The following ART3 variants were observed in gnomAD, a reference collection of about 807,000 sequenced individuals.
ART3 encodes the protein ecto-ADP-ribosyltransferase 3.
In ART3, 49 loss-of-function variants were observed where a neutral mutation model predicts 48.5. That is an observed-to-expected ratio of 1.01 (90% CI 0.80 to 1.28). The LOEUF (loss-of-function observed/expected upper bound fraction) is 1.28. Ranked by LOEUF, ART3 falls within the 50% of genes most tolerant of loss-of-function variation. ART3 has a pLI of 0.00. For synonymous variants in ART3, 145 were observed against 157.2 expected, an observed-to-expected ratio of 0.92 and a Z score of 0.58; for missense variants, 438 against 454.3, an observed-to-expected ratio of 0.96 and a Z score of 0.33.
intron 5 of ART3, 83 bp downstream of exon 5, chr4:76,099,070 G>A: frequency 2.4e-6 from 3 of 1,261,470 alleles, no homozygotes; most frequent in Non-Finnish European, 3.4e-6. Context: ...GGAAGGCCGA[G>A]GTGAGTGGAT....
chr4:76,050,926 C>T (rs888647960), intron 1 of ART3, among the ~76,000 whole-genome samples: 8 of 152,342 alleles, frequency 5.3e-5, no homozygotes, highest in South Asian at 2.1e-4. Context: ...TGCCTGGGGC[C>T]GGCAGGGCCG....
Position 76,082,219 on chromosome 4 carries a change from C to A in ART3, c.465C>A (p.Ala155=), listed in dbSNP as rs775832106. ...ALQLLRKPCE[A]SSKTVVYRTS... ...AGTTGCTGAGAAAACCTTGTGAGGC[C>A]AGTTCCAAAACTGTGGTATATAGAA... The change falls in exon 3 of 12, where the codon GCC becomes GCA. Residue 155 remains alanine (A), a synonymous_variant. Coordinates refer to ENST00000355810, the MANE Select transcript of ART3 (RefSeq NM_001130016.3). The A allele has an allele frequency of 5.0e-6, 8 of 1,614,172 alleles. No homozygotes were observed. Among genetic ancestry groups the A allele is most frequent in the Non-Finnish European group, 6.8e-6 (8 of 1,180,028 alleles).
At chr4:76,053,557 A>G (rs900759593) in intron 1 of ART3, among the ~76,000 whole-genome samples, 5 of 152,240 alleles carry the variant, frequency 3.3e-5, no homozygotes, top group African/African-American at 9.6e-5. Context: ...TAATTTTATT[A>G]GGGTATAATT....
chr4:76,076,590 T>C (rs1026056475), intron 2 of ART3, among the ~76,000 whole-genome samples: 6 of 152,220 alleles, frequency 3.9e-5, no homozygotes, highest in African/African-American at 1.4e-4. Context: ...AAAAATGGGT[T>C]CACACTGTAC....
chr4:76,020,132 T>C (rs997214937), intron 1 of ART3, among the ~76,000 whole-genome samples: 13 of 152,138 alleles, frequency 8.5e-5, no homozygotes, highest in East Asian at 7.7e-4. Context: ...TTTTCTTCTT[T>C]TTTTTTCTTT....
chr4:76,067,935 C>T (rs1470729255), intron 1 of ART3, among the ~76,000 whole-genome samples: 1 of 152,110 alleles, frequency 6.6e-6, no homozygotes, highest in Non-Finnish European at 1.5e-5. Flanking sequence ...TAATGTTGTG[C>T]CTTGGCATCC....
At chr4:76,105,360 T>A (rs570351476) in intron 10 of ART3, among the ~76,000 whole-genome samples, 3 of 152,326 alleles carry the variant, frequency 2.0e-5, no homozygotes, top group African/African-American at 7.2e-5. Flanking sequence ...TACTTCACTT[T>A]CTACGCCCCT....
At chr4:76,082,964 C>CAA (rs1304061774) in intron 3 of ART3, among the ~76,000 whole-genome samples, 2 of 151,996 alleles carry the variant, frequency 1.3e-5, no homozygotes, top group African/African-American at 4.8e-5. Flanking sequence ...AGAGACCCTA[C>CAA]TATAAGGCTT....
At chr4:76,022,047 G>GA in intron 1 of ART3, 3 of 1,131,940 alleles carry the variant, frequency 2.7e-6, no homozygotes, top group Non-Finnish European at 4.0e-6. Context: ...ATAGATAACT[G>GA]AGCTTTCCTG....
At chr4:76,035,491 A>G in intron 1 of ART3, 2 of 701,992 alleles carry the variant, frequency 2.8e-6, no homozygotes, top group Non-Finnish European at 4.5e-6. Context: ...TTACTGGGAA[A>G]AGTTAAGTAA....
Position 76,028,577 on chromosome 4 carries a change from G to A in ART3, c.-10+17257G>A, listed in dbSNP as rs139217278. ...AAATTTTCTAAAAAGTGAGCAGGAG[G>A]ACATCAGTGATTTCTGTGGACTGGG... On this transcript the variant is annotated intron_variant, in intron 1 of 9. Transcript: ENST00000341029. 6.9e-3 allele frequency among the ~76,000 whole-genome samples: 1,052 copies of A among 152,350 alleles called. 8 individuals are homozygous for A. The highest frequency in any genetic ancestry group is 0.02 in the Middle Eastern group (6 of 294).
At chr4:76,106,297 A>G (rs899927921) in intron 10 of ART3, 2 of 985,410 alleles carry the variant, frequency 2.0e-6, no homozygotes, top group Non-Finnish European at 1.2e-6. Flanking sequence ...GTAATATCAT[A>G]ATATTTCTAT....
At chr4:76,076,649 G>A (rs1200467179) in intron 2 of ART3, among the ~76,000 whole-genome samples, 1 of 152,104 alleles carries the variant, frequency 6.6e-6, no homozygotes, top group Non-Finnish European at 1.5e-5. Flanking sequence ...TGCATGTCAC[G>A]CATGTCATCA....
chr4:76,065,798 C>T (rs1221629069), intron 1 of ART3, among the ~76,000 whole-genome samples: 1 of 151,548 alleles, frequency 6.6e-6, no homozygotes, highest in Non-Finnish European at 1.5e-5. Flanking sequence ...GCAATCTAAT[C>T]ATTATATATT....
intron 1 of ART3, among the ~76,000 whole-genome samples, chr4:76,038,540 G>A (rs894262702): frequency 5.9e-5 from 9 of 152,002 alleles, no homozygotes; most frequent in Non-Finnish European, 1.3e-4. Flanking sequence ...CAGGAATATG[G>A]GTAAAGTAAA....
At chr4:76,078,508 G>A (rs1421686915) in intron 2 of ART3, among the ~76,000 whole-genome samples, 1 of 152,126 alleles carries the variant, frequency 6.6e-6, no homozygotes, top group Non-Finnish European at 1.5e-5. Context: ...ATCTCCTGAA[G>A]CTCAAATTCC....
intron 1 of ART3, chr4:76,034,886 G>T: frequency 7.0e-7 from 1 of 1,425,814 alleles, no homozygotes; most frequent in Non-Finnish European, 9.8e-7. Context: ...CTAAAAACAT[G>T]TAGTAAGAAG....
chr4:76,066,655 G>T (rs2149492069), intron 1 of ART3, among the ~76,000 whole-genome samples: 1 of 152,222 alleles, frequency 6.6e-6, no homozygotes, highest in East Asian at 1.9e-4. Flanking sequence ...AGTGCACACT[G>T]GTTGGCCCAT....
rs896287564 is a variant in ART3 at position 76,105,440 on chromosome 4, T to C, written c.1003+811T>C. ...TGATGAGATAAAGTACCTAGCAAAG[T>C]ACCTAGCAAAATGAATGGTGGTAAC... is the stretch of plus-strand genomic sequence containing the variant. On this transcript the variant is annotated intron_variant, in intron 10 of 11. Transcript: ENST00000355810. The C allele has an allele frequency of 1.8e-5, 22 of 1,221,926 alleles. No individual in the cohort carries two copies. In the Middle Eastern group the frequency reaches 1.4e-3, roughly 79 times the overall value. 75.7% of individuals were successfully genotyped at this position (1,221,926 alleles called of 1,614,324 possible).
Sources: gnomAD v4.1 joint callset for allele counts (sites outside exome capture counted in the v4.1 genomes callset) on GRCh38, gnomAD v4.1.1 for gene constraint, MANE v1.5 for transcripts, NCBI Gene and HGNC (gene_info 2026-07-23, HGNC 2026-07-21) for gene names.